The following PPFIA2 variants were observed in gnomAD, a reference collection of about 807,000 sequenced individuals.
PPFIA2 encodes the protein liprin-alpha-2.
A neutral mutation model predicts 175.5 loss-of-function variants in PPFIA2; 46 were observed. The ratio of observed to expected loss-of-function variants is 0.26; its 90% CI spans 0.21 to 0.34. The LOEUF is 0.34. PPFIA2 is among the 10% of genes least tolerant of loss of function. The pLI, the probability that PPFIA2 is intolerant of heterozygous loss-of-function variation, is 1.00. For synonymous variants in PPFIA2, 568 were observed against 511.4 expected, an observed-to-expected ratio of 1.11 and a Z score of -1.49; for missense variants, 1,179 against 1,506.1, an observed-to-expected ratio of 0.78 and a Z score of 3.60.
intron 7 of PPFIA2, among the ~76,000 whole-genome samples, chr12:81,438,384 CT>C (rs1489341246): frequency 6.6e-6 from 1 of 152,230 alleles, no homozygotes; most frequent in South Asian, 2.1e-4. Context: ...AGTAGAATTG[CT>C]TGAACCCAGC....
intron 4 of PPFIA2, among the ~76,000 whole-genome samples, chr12:81,534,478 G>A (rs911266844): frequency 1.3e-5 from 2 of 151,478 alleles, no homozygotes; most frequent in Non-Finnish European, 3.0e-5. Flanking sequence ...TATGTATCAG[G>A]AAAAAATATT....
intron 8 of PPFIA2, among the ~76,000 whole-genome samples, chr12:81,401,228 A>C (rs2042044143): frequency 6.6e-6 from 1 of 152,164 alleles, no homozygotes; most frequent in South Asian, 2.1e-4. Flanking sequence ...TAAGGTTGCC[A>C]CTAAATATTT....
intron 4 of PPFIA2, among the ~76,000 whole-genome samples, chr12:81,491,489 C>T (rs957593273): frequency 6.6e-6 from 1 of 151,818 alleles, no homozygotes; most frequent in Non-Finnish European, 1.5e-5. Context: ...TTTGTTGAAG[C>T]CCTAAGCCCG....
At chr12:81,508,590 C>CT (rs111733277) in intron 4 of PPFIA2, among the ~76,000 whole-genome samples, 24 of 132,164 alleles carry the variant, frequency 1.8e-4, no homozygotes, top group South Asian at 5.2e-4. Flanking sequence ...AGTTTACTTT[C>CT]TTTTTTTTTC....
chr12:81,719,139 C>A (rs1189929813), intron 3 of PPFIA2, among the ~76,000 whole-genome samples: 4 of 151,572 alleles, frequency 2.6e-5, no homozygotes, highest in African/African-American at 9.7e-5. Flanking sequence ...ATAGTGGTAT[C>A]TTGTGACTTC....
intron 9 of PPFIA2, among the ~76,000 whole-genome samples, chr12:81,376,264 A>G (rs932250101): frequency 2.0e-5 from 3 of 152,228 alleles, no homozygotes; most frequent in African/African-American, 4.8e-5. Context: ...AGTAAAATTA[A>G]GTACAATAAT....
chr12:81,748,493 T>A (rs920475939), intron 3 of PPFIA2, among the ~76,000 whole-genome samples: 1 of 144,650 alleles, frequency 6.9e-6, no homozygotes, highest in Non-Finnish European at 1.6e-5. Context: ...TCCATGATCA[T>A]GAGAACCTGC....
rs375526847 is a variant in PPFIA2, at chr12:81,643,053, T to C, written c.303+33738A>G. Among the ~76,000 whole-genome samples, 10 of 148,190 alleles carry C rather than the reference T, an allele frequency of 6.7e-5. No homozygotes were observed. In the East Asian group the frequency reaches 2.0e-3, roughly 29 times the overall value. ...GACATTTATTATTACATGTTATATATACACGTATATATTTTACATATATGT... is the reference window on the plus strand; with the variant it reads ...GACATTTATTATTACATGTTATATACACACGTATATATTTTACATATATGT... On this transcript the variant is annotated intron_variant, in intron 4 of 32. Transcript: ENST00000549396.
At chr12:81,359,320 G>A (rs989974508) in intron 15 of PPFIA2, among the ~76,000 whole-genome samples, 2 of 151,896 alleles carry the variant, frequency 1.3e-5, no homozygotes, top group African/African-American at 4.8e-5. Context: ...TTCTTGTTTT[G>A]CCAAATGGGG....
At chr12:81,390,980 C>T (rs1048844035) in intron 8 of PPFIA2, among the ~76,000 whole-genome samples, 3 of 151,740 alleles carry the variant, frequency 2.0e-5, no homozygotes, top group Non-Finnish European at 2.9e-5. Context: ...TATATTTACT[C>T]ATTCATCAAT....
intron 4 of PPFIA2, among the ~76,000 whole-genome samples, chr12:81,655,014 T>G (rs949087521): frequency 2.0e-5 from 3 of 152,130 alleles, no homozygotes; most frequent in African/African-American, 7.2e-5. Flanking sequence ...CCTGAATTTT[T>G]TATTTCTTGA....
At chr12:81,723,398 G>C (rs924209331) in intron 3 of PPFIA2, among the ~76,000 whole-genome samples, 4 of 150,998 alleles carry the variant, frequency 2.6e-5, no homozygotes, top group Non-Finnish European at 5.9e-5. Flanking sequence ...GACACAGACA[G>C]CTGAAAGAAT....
Position 81,548,780 on chromosome 12 carries a change from A to AT in PPFIA2, c.304-90915dup, listed in dbSNP as rs201118101. Among the ~76,000 whole-genome samples the AT allele has an allele frequency of 5.5e-3, 830 of 152,284 alleles. 5 individuals carry two copies. Among genetic ancestry groups the AT allele is most frequent in the Middle Eastern group, 0.02 (6 of 294 alleles). On this transcript the variant is annotated intron_variant, in intron 4 of 32. Coordinates refer to ENST00000549396, the MANE Select transcript of PPFIA2 (RefSeq NM_003625.5). ...CCCAAATTCAATGTAGTGCCAGATG[A>AT]TAAAAAAATCCAAAAGAATGCAACA...
intron 4 of PPFIA2, among the ~76,000 whole-genome samples, chr12:81,669,680 C>A (rs529558559): frequency 6.6e-6 from 1 of 151,878 alleles, no homozygotes; most frequent in African/African-American, 2.4e-5. Context: ...AAATGACAAG[C>A]GTATTGTCCC....
intron 5 of PPFIA2, among the ~76,000 whole-genome samples, chr12:81,447,396 C>A (rs953877143): frequency 6.6e-6 from 1 of 152,120 alleles, no homozygotes; most frequent in African/African-American, 2.4e-5. Flanking sequence ...TTCTGACCTA[C>A]TTTTAGCTCC....
chr12:81,323,366 T>C (rs970985994), intron 22 of PPFIA2, among the ~76,000 whole-genome samples: 4 of 152,156 alleles, frequency 2.6e-5, no homozygotes, highest in Non-Finnish European at 1.5e-5. Context: ...ACTGATAGGA[T>C]AGCACAGGTT....
chr12:81,317,750 A>C (rs1182756065), intron 22 of PPFIA2, among the ~76,000 whole-genome samples: 5 of 151,606 alleles, frequency 3.3e-5, no homozygotes, highest in African/African-American at 4.8e-5. Flanking sequence ...ATGTATTTTA[A>C]ATACTTACAA....
rs187688122 is a variant in PPFIA2 at position 81,357,346 on chromosome 12, A to G, written c.1773+736T>C. Among the ~76,000 whole-genome samples the G allele has an allele frequency of 2.3e-3, 351 of 152,318 alleles. 4 individuals are homozygous for G. Among genetic ancestry groups the G allele is most frequent in the Non-Finnish European group, 3.5e-4 (24 of 68,012 alleles). On this transcript the variant is annotated intron_variant, in intron 16 of 32. Transcript: ENST00000549396. ...GCCAGTTCAAACCCAAAAGTCATCA[A>G]GGGCCTGTGTACAAATATGGACAAA...
At chr12:81,704,657 A>G (rs934903029) in intron 3 of PPFIA2, among the ~76,000 whole-genome samples, 1 of 152,106 alleles carries the variant, frequency 6.6e-6, no homozygotes, top group Non-Finnish European at 1.5e-5. Context: ...ATATACTTGC[A>G]CATACAAGGT....
Sources: gnomAD v4.1 joint callset for allele counts (sites outside exome capture counted in the v4.1 genomes callset) on GRCh38, gnomAD v4.1.1 for gene constraint, MANE v1.5 for transcripts, NCBI Gene and HGNC (gene_info 2026-07-23, HGNC 2026-07-21) for gene names.